The following MSI2 variants were observed in gnomAD, a reference collection of about 807,000 sequenced individuals.
MSI2 encodes musashi RNA binding protein 2.
A neutral mutation model predicts 45.6 loss-of-function variants in MSI2; 17 were observed. The observed-to-expected ratio is 0.37, with a 90% CI of 0.26 to 0.56. MSI2 has a LOEUF of 0.56. Among genes scored for constraint, MSI2 ranks in the 20% least tolerant of loss-of-function variants. The pLI, the probability that MSI2 is intolerant of heterozygous loss-of-function variation, is 0.77. For synonymous variants in MSI2, 156 were observed against 158.2 expected, an observed-to-expected ratio of 0.99 and a Z score of 0.11; for missense variants, 293 against 444.2, an observed-to-expected ratio of 0.66 and a Z score of 3.06.
At chr17:57,360,382 C>T (rs1417695321) in intron 5 of MSI2, among the ~76,000 whole-genome samples, 1 of 152,226 alleles carries the variant, frequency 6.6e-6, no homozygotes, top group Non-Finnish European at 1.5e-5. Flanking sequence ...CCTCTGATCT[C>T]TAGGAGAGGC....
At chr17:57,348,801 A>G (rs792394) in intron 5 of MSI2, among the ~76,000 whole-genome samples, 75,155 of 152,024 alleles carry the variant, frequency 0.49, 21,763 homozygotes, top group African/African-American at 0.82. Context: ...ACCTATAGGG[A>G]GAATGGTGAC....
chr17:57,390,686 A>G (rs1255130572), intron 5 of MSI2, among the ~76,000 whole-genome samples: 1 of 152,168 alleles, frequency 6.6e-6, no homozygotes, highest in Non-Finnish European at 1.5e-5. Context: ...CCTACCAGCA[A>G]AGTTTTTATA....
intron 11 of MSI2, among the ~76,000 whole-genome samples, chr17:57,665,209 C>T (rs1185789105): frequency 1.3e-5 from 2 of 152,152 alleles, no homozygotes; most frequent in African/African-American, 4.8e-5. Context: ...TTTTTGTCCT[C>T]ATAGAGGGAC....
intron 6 of MSI2, among the ~76,000 whole-genome samples, chr17:57,405,942 A>T (rs961006207): frequency 6.6e-6 from 1 of 152,200 alleles, no homozygotes; most frequent in African/African-American, 2.4e-5. Flanking sequence ...GTTCTCCAAG[A>T]TCACTCAGCC....
intron 5 of MSI2, among the ~76,000 whole-genome samples, chr17:57,283,818 G>C (rs4239207): frequency 0.56 from 84,576 of 152,066 alleles, 25,401 homozygotes; most frequent in Middle Eastern, 0.69. Context: ...GGTGGGGCCT[G>C]CCGGGTCCAG....
intron 5 of MSI2, among the ~76,000 whole-genome samples, chr17:57,397,218 A>G (rs1304013505): frequency 6.6e-6 from 1 of 152,176 alleles, no homozygotes; most frequent in African/African-American, 2.4e-5. Flanking sequence ...GGAGGAAAAC[A>G]GGTGGCTCTC....
At chr17:57,644,035 C>A (rs1274172795) in intron 10 of MSI2, among the ~76,000 whole-genome samples, 1 of 152,202 alleles carries the variant, frequency 6.6e-6, no homozygotes, top group African/African-American at 2.4e-5. Context: ...CATTGCCCCC[C>A]CAGGCCATAC....
intron 6 of MSI2, among the ~76,000 whole-genome samples, chr17:57,434,572 C>T (rs2084658051): frequency 6.6e-6 from 1 of 152,130 alleles, no homozygotes; most frequent in Admixed American, 6.5e-5. Context: ...CACCCCCATC[C>T]TCTGGTAACC....
At chr17:57,299,782 G>T (rs932411964) in intron 5 of MSI2, among the ~76,000 whole-genome samples, 58 of 152,118 alleles carry the variant, frequency 3.8e-4, no homozygotes, top group African/African-American at 1.4e-3. Context: ...AGCACACGTG[G>T]TTGGAAAAAT....
chr17:57,332,885 C>T lies in MSI2; in HGVS notation c.313-68494C>T, dbSNP rs539433064. 5.3e-5 allele frequency among the ~76,000 whole-genome samples: 8 copies of T among 152,122 alleles called. No individual in the cohort carries two copies. The South Asian group carries it at 8.3e-4, about 16-fold the overall frequency. Reference sequence around the variant, plus strand: ...CTAAAAAGTACAAAAATTAGCTGGGCGTGGTGGCACACACCTGTAGTCCCA... The same window carrying T: ...CTAAAAAGTACAAAAATTAGCTGGGTGTGGTGGCACACACCTGTAGTCCCA... On this transcript the variant is annotated intron_variant, in intron 5 of 13. Transcript: ENST00000284073.
intron 10 of MSI2, among the ~76,000 whole-genome samples, chr17:57,634,232 G>A (rs1257511980): frequency 2.0e-5 from 3 of 152,196 alleles, no homozygotes; most frequent in East Asian, 3.9e-4. Flanking sequence ...TGGGGAGGTC[G>A]AGGCCGGTGG....
intron 5 of MSI2, among the ~76,000 whole-genome samples, chr17:57,368,375 G>A (rs1393508391): frequency 1.3e-5 from 2 of 152,040 alleles, no homozygotes; most frequent in African/African-American, 2.4e-5. Flanking sequence ...GGCCAAAATG[G>A]CAAAACACCG....
At chr17:57,398,998 G>A (rs558710699) in intron 5 of MSI2, among the ~76,000 whole-genome samples, 1 of 152,318 alleles carries the variant, frequency 6.6e-6, no homozygotes, top group Admixed American at 6.5e-5. Context: ...GAATACATTA[G>A]CAAAGTTAGA....
intron 5 of MSI2, among the ~76,000 whole-genome samples, chr17:57,373,774 C>A (rs1294505188): frequency 6.6e-6 from 1 of 152,200 alleles, no homozygotes; most frequent in Non-Finnish European, 1.5e-5. Context: ...TGATCTCCAG[C>A]AAAATAGGTT....
chr17:57,426,007 C>T (rs2084485085), intron 6 of MSI2, among the ~76,000 whole-genome samples: 1 of 151,902 alleles, frequency 6.6e-6, no homozygotes. Flanking sequence ...TCTGTTATAC[C>T]TTGACTTTTA....
chr17:57,610,873 A>T (rs181203912), intron 8 of MSI2, among the ~76,000 whole-genome samples: 1 of 95,290 alleles, frequency 1.0e-5, no homozygotes, highest in Non-Finnish European at 2.5e-5. Context: ...ACAAAGCAGC[A>T]TATTGGGAGA....
chr17:57,614,876 G>A (rs1489253430), intron 8 of MSI2, among the ~76,000 whole-genome samples: 1 of 152,142 alleles, frequency 6.6e-6, no homozygotes, highest in Non-Finnish European at 1.5e-5. Context: ...AAGCAGATTA[G>A]CATGAAGAAA....
intron 7 of MSI2, among the ~76,000 whole-genome samples, chr17:57,545,312 A>G (rs2087139381): frequency 6.6e-6 from 1 of 152,230 alleles, no homozygotes; most frequent in African/African-American, 2.4e-5. Context: ...TGAAACTCCC[A>G]TATGTCCTTT....
At chr17:57,481,657 T>C (rs1331629497) in intron 6 of MSI2, among the ~76,000 whole-genome samples, 1 of 152,222 alleles carries the variant, frequency 6.6e-6, no homozygotes, top group East Asian at 1.9e-4. Context: ...AAATGTTTCA[T>C]TTGAAAATGT....
Sources: allele counts gnomAD v4.1 joint callset (sites outside exome capture counted in the v4.1 genomes callset), GRCh38; gene constraint gnomAD v4.1.1; transcripts MANE v1.5; gene names NCBI Gene and HGNC (gene_info 2026-07-23, HGNC 2026-07-21).